NEO1: variants seen among roughly 807,000 people sequenced by gnomAD.
The protein encoded by NEO1 is neogenin.
In NEO1, 63 loss-of-function variants were observed where a neutral mutation model predicts 159.7. That is an observed-to-expected ratio of 0.39 (90% CI 0.32 to 0.49). NEO1 has a LOEUF of 0.49. NEO1 is among the 20% of genes least tolerant of loss of function. The probability of loss-of-function intolerance (pLI) is 0.85; values close to 1 mark genes in which losing one functional copy is unlikely to be tolerated. For missense variants in NEO1, 1,615 were observed against 1,831.0 expected, an observed-to-expected ratio of 0.88 and a Z score of 2.15; for synonymous variants, 633 against 662.0, an observed-to-expected ratio of 0.96 and a Z score of 0.67.
intron 1 of NEO1, among the ~76,000 whole-genome samples, chr15:73,064,477 A>T (rs1416024456): frequency 1.3e-5 from 2 of 152,048 alleles, no homozygotes; most frequent in African/African-American, 4.8e-5. Flanking sequence ...AAAATTAATT[A>T]ATTTAGAGAC....
chr15:73,150,516 A>G (rs918320317), intron 5 of NEO1, among the ~76,000 whole-genome samples: 1 of 152,212 alleles, frequency 6.6e-6, no homozygotes, highest in Non-Finnish European at 1.5e-5. Context: ...TCAAATATCT[A>G]TCATTATATT....
At chr15:73,214,593 G>A (rs747163724) in intron 7 of NEO1, among the ~76,000 whole-genome samples, 2 of 152,080 alleles carry the variant, frequency 1.3e-5, no homozygotes, top group African/African-American at 4.8e-5. Flanking sequence ...AAGTATTTGG[G>A]TTTGTTTCCA....
At chr15:73,292,355 C>T (rs892995341) in intron 25 of NEO1, among the ~76,000 whole-genome samples, 6 of 152,150 alleles carry the variant, frequency 3.9e-5, no homozygotes, top group African/African-American at 1.4e-4. Flanking sequence ...TTCATGAAGC[C>T]TTTGTTTGGA....
intron 15 of NEO1, among the ~76,000 whole-genome samples, chr15:73,264,355 A>C (rs2040784671): frequency 6.6e-6 from 1 of 152,214 alleles, no homozygotes; most frequent in Non-Finnish European, 1.5e-5. Context: ...AAGTGAGTTG[A>C]AGTGAATTTT....
At chr15:73,056,405 A>G (rs1031305579) in intron 1 of NEO1, among the ~76,000 whole-genome samples, 1 of 152,088 alleles carries the variant, frequency 6.6e-6, no homozygotes, top group Non-Finnish European at 1.5e-5. Flanking sequence ...AGTACTTTTC[A>G]TCTTCTGTTA....
intron 7 of NEO1, among the ~76,000 whole-genome samples, chr15:73,187,889 A>G (rs771483096): frequency 9.2e-5 from 14 of 152,192 alleles, no homozygotes; most frequent in Non-Finnish European, 1.3e-4. Context: ...ACTGCTATAT[A>G]TAAACATTAT....
intron 11 of NEO1, among the ~76,000 whole-genome samples, chr15:73,252,025 C>T (rs1340326131): frequency 6.6e-6 from 1 of 152,160 alleles, no homozygotes; most frequent in East Asian, 1.9e-4. Flanking sequence ...ATGGAGATGA[C>T]TGGAATCATT....
intron 5 of NEO1, among the ~76,000 whole-genome samples, chr15:73,157,297 G>A (rs903291373): frequency 8.5e-5 from 13 of 152,142 alleles, no homozygotes; most frequent in Admixed American, 3.3e-4. Flanking sequence ...GCCCCAGCCC[G>A]AATTTCTGAC....
At chr15:73,158,484 A>G (rs929532326) in intron 5 of NEO1, among the ~76,000 whole-genome samples, 2 of 151,712 alleles carry the variant, frequency 1.3e-5, no homozygotes, top group Non-Finnish European at 2.9e-5. Context: ...TGCAGCCTTG[A>G]CTTCCTGGGC....
chr15:73,232,662 C>T (rs1209569418), intron 7 of NEO1, among the ~76,000 whole-genome samples: 1 of 152,168 alleles, frequency 6.6e-6, no homozygotes, highest in East Asian at 1.9e-4. Flanking sequence ...ACCAAGCCTT[C>T]TCACCACTTT....
chr15:73,139,608 G>A (rs1012448278), intron 5 of NEO1, among the ~76,000 whole-genome samples: 6 of 152,224 alleles, frequency 3.9e-5, no homozygotes, highest in African/African-American at 1.2e-4. Context: ...GGTTGGCAGA[G>A]TACAGCTTGT....
At chr15:73,066,298 C>T (rs1441275220) in intron 1 of NEO1, among the ~76,000 whole-genome samples, 7 of 146,628 alleles carry the variant, frequency 4.8e-5, no homozygotes, top group Non-Finnish European at 7.5e-5. Flanking sequence ...GGATTACAGG[C>T]TTGAGCCACC....
chr15:73,293,429 C>T lies in NEO1; in HGVS notation c.3782C>T (p.Pro1261Leu). The T allele has an allele frequency of 6.2e-7, 1 of 1,614,202 alleles. No individual in the cohort carries two copies. Among genetic ancestry groups the T allele is most frequent in the South Asian group, 1.1e-5 (1 of 91,086 alleles). Reference sequence around the variant, plus strand: ...CATCCCATCCATTCCCTCGATAACCCTCACCATCATTTCCACTCCAGCAGC... The same window carrying T: ...CATCCCATCCATTCCCTCGATAACCTTCACCATCATTTCCACTCCAGCAGC... Reference protein sequence around the residue: ...SAHPIHSLDNPHHHFHSSSLA... With the variant: ...SAHPIHSLDNLHHHFHSSSLA... Residue 1261 changes from proline (P) to leucine (L), a missense_variant, in exon 26 of 29, where the codon CCT (proline) becomes CTT (leucine). Pro to Leu is a moderately conservative substitution (Grantham distance 98). Coordinates refer to ENST00000261908, the MANE Select transcript of NEO1 (RefSeq NM_002499.4).
At chr15:73,194,883 G>C (rs1375085752) in intron 7 of NEO1, among the ~76,000 whole-genome samples, 2 of 152,300 alleles carry the variant, frequency 1.3e-5, no homozygotes, top group Non-Finnish European at 2.9e-5. Flanking sequence ...GTAAGGATAT[G>C]ATCTTTGTTC....
intron 25 of NEO1, among the ~76,000 whole-genome samples, chr15:73,292,764 CA>C (rs1160448783): frequency 6.6e-6 from 1 of 152,198 alleles, no homozygotes; most frequent in Admixed American, 6.6e-5. Context: ...GCCAGTGGTT[CA>C]TGCTTTTAGT....
chr15:73,298,224 G>A, intron 26 of NEO1, 124 bp from the exon 27 acceptor site: 1 of 1,143,436 alleles, frequency 8.7e-7, no homozygotes, highest in Non-Finnish European at 1.2e-6. Context: ...ATGTTCTCTT[G>A]GACTAGCACT....
At chr15:73,065,238 T>C (rs1405187777) in intron 1 of NEO1, among the ~76,000 whole-genome samples, 1 of 152,214 alleles carries the variant, frequency 6.6e-6, no homozygotes, top group Non-Finnish European at 1.5e-5. Flanking sequence ...GTTTTAGTTA[T>C]TTAAATTCAT....
intron 7 of NEO1, among the ~76,000 whole-genome samples, chr15:73,231,281 C>T (rs1358332338): frequency 2.0e-5 from 3 of 152,084 alleles, no homozygotes; most frequent in Non-Finnish European, 4.4e-5. Flanking sequence ...CATGGAACAA[C>T]CTCCAGGATA....
Position 73,128,971 on chromosome 15 carries a change from C to T in NEO1, c.878+2401C>T, listed in dbSNP as rs536042168. 1.1e-3 allele frequency among the ~76,000 whole-genome samples: 170 copies of T among 152,254 alleles called. 3 individuals are homozygous for T. The highest frequency in any genetic ancestry group is 0.01 in the Admixed American group (160 of 15,296). ...TAAGATTGAGTTAACTTATTTCTGC[C>T]TGTAGTTCTCTAGGCTCCTGAATAC... On this transcript the variant is annotated intron_variant, in intron 4 of 28. Transcript: ENST00000261908.
Sources: allele counts gnomAD v4.1 joint callset (sites outside exome capture counted in the v4.1 genomes callset), GRCh38; gene constraint gnomAD v4.1.1; transcripts MANE v1.5; gene names NCBI Gene and HGNC (gene_info 2026-07-23, HGNC 2026-07-21).